TTC28: variants seen among roughly 807,000 people sequenced by gnomAD.
The protein encoded by TTC28 is tetratricopeptide repeat protein 28.
A neutral mutation model predicts 198.0 loss-of-function variants in TTC28; 61 were observed. The observed-to-expected ratio is 0.31, with a 90% confidence interval of 0.25 to 0.38. The LOEUF (loss-of-function observed/expected upper bound fraction) is 0.38. TTC28 is among the 10% of genes least tolerant of loss of function. The probability of loss-of-function intolerance (pLI) is 1.00; values close to 1 mark genes in which losing one functional copy is unlikely to be tolerated. For synonymous variants in TTC28, 1,171 were observed against 1,297.8 expected (o/e 0.90, Z 2.10); for missense variants, 2,678 against 3,164.0 (o/e 0.85, Z 3.69).
intron 5 of TTC28, among the ~76,000 whole-genome samples, chr22:28,247,011 C>T (rs2147265191): frequency 6.6e-6 from 1 of 152,188 alleles, no homozygotes; most frequent in South Asian, 2.1e-4. Context: ...CTACTAGAGC[C>T]CTACCTGAGG....
At chr22:28,316,342 A>G (rs2045351483) in intron 2 of TTC28, among the ~76,000 whole-genome samples, 1 of 152,144 alleles carries the variant, frequency 6.6e-6, no homozygotes, top group Non-Finnish European at 1.5e-5. Flanking sequence ...TGTGTTGATT[A>G]CTGTAATTTT....
At chr22:28,351,416 C>T (rs1243004576) in intron 2 of TTC28, among the ~76,000 whole-genome samples, 1 of 152,100 alleles carries the variant, frequency 6.6e-6, no homozygotes, top group African/African-American at 2.4e-5. Context: ...TTGTTTCAGC[C>T]GTGGGCTCTC....
At chr22:28,036,515 A>C (rs1293236490) in intron 12 of TTC28, among the ~76,000 whole-genome samples, 1 of 152,246 alleles carries the variant, frequency 6.6e-6, no homozygotes, top group African/African-American at 2.4e-5. Flanking sequence ...ACACATTTAA[A>C]GCAGTGTGTA....
chr22:28,366,892 G>A (rs1030414076), intron 2 of TTC28, among the ~76,000 whole-genome samples: 6 of 151,858 alleles, frequency 4.0e-5, no homozygotes, highest in Non-Finnish European at 7.4e-5. Flanking sequence ...GATATAACAC[G>A]TGTAAATATA....
At chr22:28,546,993 G>GA (rs767154351) in intron 2 of TTC28, among the ~76,000 whole-genome samples, 2 of 152,176 alleles carry the variant, frequency 1.3e-5, no homozygotes, top group African/African-American at 2.4e-5. Context: ...GGAGTGACTA[G>GA]AAAAGGGCAA....
At chr22:28,433,698 T>C (rs1229223780) in intron 2 of TTC28, among the ~76,000 whole-genome samples, 3 of 152,204 alleles carry the variant, frequency 2.0e-5, no homozygotes, top group South Asian at 4.1e-4. Flanking sequence ...TTAAAAGCAA[T>C]TGCATATGCT....
chr22:28,167,388 A>G (rs1217484572), intron 5 of TTC28, among the ~76,000 whole-genome samples: 3 of 152,236 alleles, frequency 2.0e-5, no homozygotes, highest in African/African-American at 7.2e-5. Flanking sequence ...TTTTAGACCA[A>G]TATCCCTGAT....
intron 2 of TTC28, among the ~76,000 whole-genome samples, chr22:28,578,706 T>C (rs2050187090): frequency 1.3e-5 from 2 of 152,136 alleles, no homozygotes; most frequent in African/African-American, 4.8e-5. Flanking sequence ...CCCCTGGCAG[T>C]GCCCACGTAG....
intron 2 of TTC28, among the ~76,000 whole-genome samples, chr22:28,342,851 A>G (rs2045853154): frequency 6.6e-6 from 1 of 152,210 alleles, no homozygotes; most frequent in African/African-American, 2.4e-5. Flanking sequence ...AAAGTATAAA[A>G]CATTTTCCAA....
At chr22:28,207,175 A>G (rs1367316456) in intron 5 of TTC28, among the ~76,000 whole-genome samples, 1 of 151,704 alleles carries the variant, frequency 6.6e-6, no homozygotes, top group African/African-American at 2.4e-5. Flanking sequence ...ACAAGCCACT[A>G]AGCCCTTCAA....
At chr22:28,034,039 G>A (rs1939235601) in intron 12 of TTC28, among the ~76,000 whole-genome samples, 1 of 152,194 alleles carries the variant, frequency 6.6e-6, no homozygotes, top group African/African-American at 2.4e-5. Context: ...GAGAGGAGAA[G>A]GGAATGAAAT....
chr22:28,148,974 A>T (rs1443721047), intron 6 of TTC28, among the ~76,000 whole-genome samples: 3 of 152,210 alleles, frequency 2.0e-5, no homozygotes, highest in Non-Finnish European at 4.4e-5. Flanking sequence ...TCCATTCAAG[A>T]CATACACAGT....
chr22:28,329,938 T>C (rs542031660), intron 2 of TTC28, among the ~76,000 whole-genome samples: 2 of 152,322 alleles, frequency 1.3e-5, no homozygotes, highest in South Asian at 2.1e-4. Context: ...ATTTTCTTAA[T>C]AGCTCTGCTA....
intron 5 of TTC28, among the ~76,000 whole-genome samples, chr22:28,165,445 A>G (rs912178402): frequency 1.3e-5 from 2 of 151,734 alleles, no homozygotes; most frequent in Non-Finnish European, 2.9e-5. Flanking sequence ...CGGGTTACCC[A>G]CAAAGGGAAG....
At chr22:28,443,178 C>G (rs187833442) in intron 2 of TTC28, 1 of 152,194 alleles carries the variant, frequency 6.6e-6, no homozygotes, top group Non-Finnish European at 1.5e-5. Context: ...GGCATTTTCC[C>G]GGCCGGCGCC....
At chr22:28,097,717 G>A (rs1942018668) in intron 10 of TTC28, among the ~76,000 whole-genome samples, 1 of 152,218 alleles carries the variant, frequency 6.6e-6, no homozygotes, top group South Asian at 2.1e-4. Context: ...CTGCAGCTGT[G>A]ACAGCACTTC....
chr22:28,376,877 A>G (rs2046419515), intron 2 of TTC28, among the ~76,000 whole-genome samples: 1 of 152,192 alleles, frequency 6.6e-6, no homozygotes, highest in Non-Finnish European at 1.5e-5. Context: ...AAAACTACCC[A>G]AGGCTGAGGA....
At chr22:28,062,495 G>A (rs930529877) in intron 12 of TTC28, among the ~76,000 whole-genome samples, 1 of 148,792 alleles carries the variant, frequency 6.7e-6, no homozygotes, top group African/African-American at 2.5e-5. Flanking sequence ...TTAGAGACAG[G>A]GTCTCTCTCT....
chr22:28,182,695 A>G (rs1042368185), intron 5 of TTC28, among the ~76,000 whole-genome samples: 31 of 152,256 alleles, frequency 2.0e-4, no homozygotes, highest in Non-Finnish European at 3.7e-4. Flanking sequence ...ATGGCTTTTG[A>G]ATGCTCAGGA....
Sources: allele counts gnomAD v4.1 joint callset (sites outside exome capture counted in the v4.1 genomes callset), GRCh38; gene constraint gnomAD v4.1.1; transcripts MANE v1.5; gene names NCBI Gene and HGNC (gene_info 2026-07-23, HGNC 2026-07-21).